UBA6: variants seen among roughly 807,000 people sequenced by gnomAD.
UBA6 encodes the protein ubiquitin-like modifier-activating enzyme 6.
Under a neutral mutation model 148.3 loss-of-function variants are expected in UBA6, and 87 were observed. The ratio of observed to expected loss-of-function variants is 0.59; its 90% CI spans 0.49 to 0.70. The LOEUF (loss-of-function observed/expected upper bound fraction) is 0.70, where lower values mean the gene tolerates loss of function less well. Ranked by LOEUF, UBA6 falls within the 30% of genes least tolerant of loss-of-function variation. UBA6 has a pLI of 0.00. For missense variants in UBA6, 1,186 were observed against 1,241.2 expected (o/e 0.96, Z 0.67); for synonymous variants, 376 against 401.0 (o/e 0.94, Z 0.75).
chr4:67,643,985 A>T (rs1203062720), intron 17 of UBA6, among the ~76,000 whole-genome samples: 1 of 152,120 alleles, frequency 6.6e-6, no homozygotes, highest in Non-Finnish European at 1.5e-5. Context: ...CTGCCTGTTA[A>T]CTATGATAGT....
intron 13 of UBA6, among the ~76,000 whole-genome samples, chr4:67,660,832 G>T (rs982651069): frequency 6.6e-6 from 1 of 152,308 alleles, no homozygotes; most frequent in Middle Eastern, 3.4e-3. Flanking sequence ...GCAGTCGGAA[G>T]GGGGGCTGTA....
intron 26 of UBA6, 139 bp from the exon 27 acceptor site, chr4:67,629,281 ATTTATC>A (rs1183177070): frequency 1.7e-6 from 1 of 598,996 alleles, no homozygotes; most frequent in African/African-American, 1.9e-5. Flanking sequence ...CATTTGAGAC[ATTTATC>A]TTTATTTCTA....
chr4:67,684,285 ATTTTC>A (rs1455410166), intron 2 of UBA6, among the ~76,000 whole-genome samples: 1 of 151,774 alleles, frequency 6.6e-6, no homozygotes, highest in East Asian at 1.9e-4. Flanking sequence ...AATAAATCTA[ATTTTC>A]TTTTTTTTCT....
At chr4:67,658,661 T>C (rs1210034320) in intron 13 of UBA6, among the ~76,000 whole-genome samples, 6 of 152,036 alleles carry the variant, frequency 3.9e-5, no homozygotes, top group African/African-American at 1.5e-4. Flanking sequence ...TATAACAAAC[T>C]TGTACATGTA....
rs902956850 is a variant in UBA6, at chr4:67,618,388, A to G, written c.*609T>C. Reference sequence around the variant, plus strand: ...CTCCTACAACACTGATGCTATCAACAAAAATCCTGATTTTGGGGACACAGT... The same window carrying G: ...CTCCTACAACACTGATGCTATCAACGAAAATCCTGATTTTGGGGACACAGT... On this transcript the variant is annotated 3_prime_UTR_variant, in exon 33 of 33. Coordinates refer to ENST00000322244, the MANE Select transcript of UBA6 (RefSeq NM_018227.6). 1 of 152,710 alleles carries G rather than the reference A, an allele frequency of 6.5e-6. No homozygotes were observed. The highest frequency in any genetic ancestry group is 2.4e-5 in the African/African-American group (1 of 41,460). The allele number at this position is 152,710 out of a possible 1,614,324, so 9.5% of individuals were successfully genotyped here. A position where few individuals can be genotyped will look rare whatever the true frequency, so the allele number is the denominator to read the frequency against.
chr4:67,654,419 T>A (rs1168094355), intron 13 of UBA6, among the ~76,000 whole-genome samples: 3 of 152,078 alleles, frequency 2.0e-5, no homozygotes, highest in Non-Finnish European at 2.9e-5. Flanking sequence ...ATCCCAGAAT[T>A]TCACACCCAG....
At chr4:67,658,587 T>G (rs1219105584) in intron 13 of UBA6, among the ~76,000 whole-genome samples, 1 of 152,168 alleles carries the variant, frequency 6.6e-6, no homozygotes, top group Non-Finnish European at 1.5e-5. Context: ...TAACAGGTAC[T>G]AGGCTTAATA....
At chr4:67,684,145 T>C (rs902912382) in intron 2 of UBA6, among the ~76,000 whole-genome samples, 4 of 152,144 alleles carry the variant, frequency 2.6e-5, no homozygotes, top group African/African-American at 4.8e-5. Flanking sequence ...TACCCTTCTT[T>C]TGGCAGTGTA....
rs569656914 is a variant in UBA6, at chr4:67,632,010, G to T, written c.2143-102C>A. 2.5e-4 allele frequency: 273 copies of T among 1,095,680 alleles called. 2 individuals carry two copies. The South Asian group carries it at 4.3e-3, about 17-fold the overall frequency. 67.9% of individuals were successfully genotyped at this position (1,095,680 alleles called of 1,614,324 possible). A position where few individuals can be genotyped will look rare whatever the true frequency, so the allele number is the denominator to read the frequency against. On this transcript the variant is annotated intron_variant, in intron 23 of 32. Coordinates refer to ENST00000322244, the MANE Select transcript of UBA6 (RefSeq NM_018227.6). Reference sequence around the variant, plus strand: ...ATGTGTGTAGTAAATATATGCACATGATTCAAAAATCAAAACACATTAAAA... The same window carrying T: ...ATGTGTGTAGTAAATATATGCACATTATTCAAAAATCAAAACACATTAAAA...
intron 7 of UBA6, 150 bp from the exon 8 acceptor site, chr4:67,670,742 G>A: frequency 1.7e-6 from 1 of 592,590 alleles, no homozygotes; most frequent in Non-Finnish European, 2.9e-6. Flanking sequence ...AGGATAAACT[G>A]ATGCAGAATA....
At chr4:67,697,952 T>C (rs1452955030) in intron 1 of UBA6, among the ~76,000 whole-genome samples, 1 of 152,202 alleles carries the variant, frequency 6.6e-6, no homozygotes, top group African/African-American at 2.4e-5. Context: ...CTCACTATGC[T>C]TGAGAGGGCC....
At chr4:67,674,125 G>A (rs1198182756) in intron 6 of UBA6, among the ~76,000 whole-genome samples, 1 of 152,204 alleles carries the variant, frequency 6.6e-6, no homozygotes, top group African/African-American at 2.4e-5. Flanking sequence ...CTAGCTACCA[G>A]AGTATTACTT....
chr4:67,640,517 T>A lies in UBA6; in HGVS notation c.1554+634A>T, dbSNP rs146746633. Among the ~76,000 whole-genome samples the A allele has an allele frequency of 2.8e-3, 428 of 152,332 alleles. 2 individuals are homozygous for A. The highest frequency in any genetic ancestry group is 9.7e-3 in the African/African-American group (403 of 41,574). Reference sequence around the variant, plus strand: ...AGGGTAGAACTGGTTTTTCCCTAGGTTGCCCAGGCTGGTCGGGAACTCCTA... The same window carrying A: ...AGGGTAGAACTGGTTTTTCCCTAGGATGCCCAGGCTGGTCGGGAACTCCTA... On this transcript the variant is annotated intron_variant, in intron 18 of 32. Transcript: ENST00000322244.
At chr4:67,658,596 T>A (rs980839133) in intron 13 of UBA6, among the ~76,000 whole-genome samples, 2 of 152,174 alleles carry the variant, frequency 1.3e-5, no homozygotes, top group Non-Finnish European at 2.9e-5. Context: ...CTAGGCTTAA[T>A]ACCTGGGTGA....
intron 11 of UBA6, chr4:67,663,565 T>C (rs932646246): frequency 5.1e-6 from 2 of 390,334 alleles, no homozygotes; most frequent in Admixed American, 8.2e-5. Flanking sequence ...TTGTATAAAA[T>C]GGTACGATTC....
intron 2 of UBA6, among the ~76,000 whole-genome samples, chr4:67,683,753 T>C (rs2109952425): frequency 6.6e-6 from 1 of 152,148 alleles, no homozygotes; most frequent in East Asian, 1.9e-4. Context: ...TCAACTTCAT[T>C]AGACAGTGCC....
intron 2 of UBA6, among the ~76,000 whole-genome samples, chr4:67,686,560 A>G (rs1023430467): frequency 1.3e-5 from 2 of 152,206 alleles, no homozygotes; most frequent in African/African-American, 4.8e-5. Flanking sequence ...TCCCTGTGAC[A>G]TGGTACTGGG....
chr4:67,684,844 CAT>C (rs1730520183), intron 2 of UBA6, among the ~76,000 whole-genome samples: 1 of 152,184 alleles, frequency 6.6e-6, no homozygotes, highest in East Asian at 1.9e-4. Flanking sequence ...CTATGCACCA[CAT>C]GTTGTTTTAA....
intron 2 of UBA6, among the ~76,000 whole-genome samples, chr4:67,692,265 T>A (rs1466831431): frequency 6.6e-6 from 1 of 152,034 alleles, no homozygotes; most frequent in Non-Finnish European, 1.5e-5. Flanking sequence ...ATAAGGAAAA[T>A]CACTGAAGAG....
Sources: gnomAD v4.1 joint callset for allele counts (sites outside exome capture counted in the v4.1 genomes callset) on GRCh38, gnomAD v4.1.1 for gene constraint, MANE v1.5 for transcripts, NCBI Gene and HGNC (gene_info 2026-07-23, HGNC 2026-07-21) for gene names.